The following ADORA1 variants were observed in gnomAD, a reference collection of about 807,000 sequenced individuals.
The protein encoded by ADORA1 is adenosine receptor A1.
ADORA1 carries 6 observed loss-of-function variants against 19.9 expected under a neutral mutation model. The ratio of observed to expected loss-of-function variants is 0.30; its 90% CI spans 0.17 to 0.59. The LOEUF (loss-of-function observed/expected upper bound fraction) is 0.59. Among genes scored for constraint, ADORA1 ranks in the 20% least tolerant of loss-of-function variants. The pLI is 0.87. For missense variants in ADORA1, 302 were observed against 439.2 expected, an observed-to-expected ratio of 0.69 and a Z score of 2.79; for synonymous variants, 194 against 188.4, an observed-to-expected ratio of 1.03 and a Z score of -0.24.
chr1:203,130,512 G>A (rs1654297500), intron 3 of ADORA1, among the ~76,000 whole-genome samples: 1 of 152,198 alleles, frequency 6.6e-6, no homozygotes, highest in Non-Finnish European at 1.5e-5. Flanking sequence ...GGAAGGTGGG[G>A]TGAATAAGGG....
chr1:203,146,852 G>A (rs1654873661), intron 3 of ADORA1, among the ~76,000 whole-genome samples: 2 of 152,224 alleles, frequency 1.3e-5, no homozygotes, highest in African/African-American at 2.4e-5. Context: ...ACCTCAGGAG[G>A]TGTTGCTAGC....
In ADORA1 at chr1:203,128,480, T is replaced by G. The variant is rs1012820949; in HGVS notation, c.-58+48T>G. 8.0e-7 allele frequency: 1 copy of G among 1,246,042 alleles called. No individual in the cohort carries two copies. Among genetic ancestry groups the G allele is most frequent in the Admixed American group, 2.4e-5 (1 of 42,114 alleles). The allele number at this position is 1,246,042 out of a possible 1,614,324, so 77.2% of individuals were successfully genotyped here. A position where few individuals can be genotyped will look rare whatever the true frequency, so the allele number is the denominator to read the frequency against. ...TGTGCACAGGGGTGGGCAGAGCCAG[T>G]CATGGGAGACCCCTCTGTGCGTGTG... is the stretch of plus-strand genomic sequence containing the variant. On this transcript the variant is annotated intron_variant, in intron 2 of 3. Transcript: ENST00000337894. The surrounding 1 kb of genome is among the most constrained non-coding windows in gnomAD (Gnocchi z 5.9).
In ADORA1 at chr1:203,166,041, C is replaced by T; in HGVS notation, c.*141C>T. On this transcript the variant is annotated 3_prime_UTR_variant, in exon 4 of 4. Transcript: ENST00000337894. ...CATGGGGGAGGCTCTGAAGAGATACCCACAGAGTGTGGTCCCTCCACTAGG... is the reference window on the plus strand; with the variant it reads ...CATGGGGGAGGCTCTGAAGAGATACTCACAGAGTGTGGTCCCTCCACTAGG... 1 of 1,139,670 alleles carries T rather than the reference C, an allele frequency of 8.8e-7. No individual in the cohort carries two copies. The highest frequency in any genetic ancestry group is 1.2e-6 in the Non-Finnish European group (1 of 844,038). 70.6% of individuals were successfully genotyped at this position (1,139,670 alleles called of 1,614,324 possible). A position where few individuals can be genotyped will look rare whatever the true frequency, so the allele number is the denominator to read the frequency against.
chr1:203,161,803 G>A (rs1209582230), intron 3 of ADORA1, among the ~76,000 whole-genome samples: 2 of 151,962 alleles, frequency 1.3e-5, no homozygotes, highest in Non-Finnish European at 2.9e-5. Flanking sequence ...TTGAACTCCC[G>A]ACCTCAGGTG....
chr1:203,145,771 T>C (rs1309413791), intron 3 of ADORA1, among the ~76,000 whole-genome samples: 1 of 152,248 alleles, frequency 6.6e-6, no homozygotes, highest in Non-Finnish European at 1.5e-5. Context: ...ATTCCTCTTT[T>C]CCTGCTGTTT....
chr1:203,137,255 C>A (rs1654540671), intron 3 of ADORA1, among the ~76,000 whole-genome samples: 1 of 152,122 alleles, frequency 6.6e-6, no homozygotes, highest in Non-Finnish European at 1.5e-5. Context: ...AGAACAGAGG[C>A]CCTAGCATAG....
chr1:203,154,977 T>C (rs982102870), intron 3 of ADORA1, among the ~76,000 whole-genome samples: 2 of 151,842 alleles, frequency 1.3e-5, no homozygotes, highest in Non-Finnish European at 2.9e-5. Context: ...GTTGGTCCCA[T>C]GGTGTGTTCA....
At position 203,153,911 on chromosome 1, in the gene ADORA1, A is replaced by G. The variant is rs551721554; in HGVS notation, c.342-11350A>G. The stretch of plus-strand genomic sequence containing the variant: ...TTACAAGTGGCTGAGATCCTTGATA[A>G]GAGAGGAGGCGGGAAGGAGGGGACC... On this transcript the variant is annotated intron_variant, in intron 3 of 3. Transcript: ENST00000337894. Among the ~76,000 whole-genome samples the G allele has an allele frequency of 5.9e-5, 9 of 152,322 alleles. No individual in the cohort carries two copies. The South Asian group carries it at 1.9e-3, about 32-fold the overall frequency.
rs151012184 is a variant in ADORA1, at chr1:203,164,461, A to G, written c.342-800A>G. The stretch of plus-strand genomic sequence containing the variant: ...AATGCATGAATGAATGACTGAAAGT[A>G]TCTAGCATGTAGTAGATGCTCAGTG... On this transcript the variant is annotated intron_variant, in intron 3 of 3. Coordinates refer to ENST00000337894, the MANE Select transcript of ADORA1 (RefSeq NM_000674.3). 3.9e-3 allele frequency among the ~76,000 whole-genome samples: 601 copies of G among 152,370 alleles called. 3 individuals are homozygous for G. Among genetic ancestry groups the G allele is most frequent in the African/African-American group, 0.014 (562 of 41,584 alleles).
chr1:203,131,859 G>A (rs1350677520), intron 3 of ADORA1, among the ~76,000 whole-genome samples: 1 of 152,164 alleles, frequency 6.6e-6, no homozygotes, highest in African/African-American at 2.4e-5. Context: ...TTGGCCAGAG[G>A]TCCCCAGGCA....
intron 3 of ADORA1, among the ~76,000 whole-genome samples, chr1:203,161,633 G>A (rs1435709455): frequency 2.0e-5 from 3 of 150,104 alleles, no homozygotes; most frequent in East Asian, 2.0e-4. Flanking sequence ...GTGCAATGGC[G>A]CGATCTTGGC....
At chr1:203,160,633 T>G (rs1224356009) in intron 3 of ADORA1, among the ~76,000 whole-genome samples, 2 of 152,126 alleles carry the variant, frequency 1.3e-5, no homozygotes. Flanking sequence ...GTCAACATAG[T>G]GAGACCCCCA....
At chr1:203,151,369 A>G (rs1280751252) in intron 3 of ADORA1, among the ~76,000 whole-genome samples, 1 of 152,218 alleles carries the variant, frequency 6.6e-6, no homozygotes, top group Admixed American at 6.5e-5. Context: ...AGATCAGGGA[A>G]CACAGACCCG....
At chr1:203,158,635 A>T (rs915693666) in intron 3 of ADORA1, among the ~76,000 whole-genome samples, 1 of 152,194 alleles carries the variant, frequency 6.6e-6, no homozygotes, top group African/African-American at 2.4e-5. Flanking sequence ...GGTATTTGTT[A>T]GAGCAACAAC....
rs199757683 is a variant in ADORA1 at position 203,165,380 on chromosome 1, G to A, written c.461G>A (p.Arg154Gln). 32 of 1,603,122 alleles carry A rather than the reference G, an allele frequency of 2.0e-5. No homozygotes were observed. Among genetic ancestry groups the A allele is most frequent in the East Asian group, 1.3e-4 (6 of 44,860 alleles). ...FGWNNLSAVE[R>Q]AWAANGSMGE... is the part of the protein sequence containing the mutation. Reference sequence around the variant, plus strand: ...TGGAACAATCTGAGTGCGGTGGAGCGGGCCTGGGCAGCCAACGGCAGCATG... The same window carrying A: ...TGGAACAATCTGAGTGCGGTGGAGCAGGCCTGGGCAGCCAACGGCAGCATG... Residue 154 changes from arginine (R) to glutamine (Q), a missense_variant, in exon 4 of 4, where the codon CGG (arginine) becomes CAG (glutamine). By Grantham distance (43) the Arg-to-Gln change is conservative. Coordinates refer to ENST00000337894, the MANE Select transcript of ADORA1 (RefSeq NM_000674.3). The surrounding 1 kb of genome is among the most constrained non-coding windows in gnomAD (Gnocchi z 5.9).
chr1:203,158,370 C>G (rs1045611678), intron 3 of ADORA1, among the ~76,000 whole-genome samples: 1 of 152,198 alleles, frequency 6.6e-6, no homozygotes, highest in Non-Finnish European at 1.5e-5. Context: ...TTTTCAATAT[C>G]TTGTTTCTTG....
intron 3 of ADORA1, among the ~76,000 whole-genome samples, chr1:203,141,731 C>T (rs1184114946): frequency 1.3e-5 from 2 of 151,922 alleles, no homozygotes; most frequent in African/African-American, 4.8e-5. Context: ...TAGGCTCATG[C>T]CACCACGCCC....
chr1:203,129,079 T>A lies in ADORA1; in HGVS notation c.238T>A (p.Cys80Ser). 1 of 1,614,144 alleles carries A rather than the reference T, an allele frequency of 6.2e-7. No individual in the cohort carries two copies. ...TGGGCCACAGACCTACTTCCACACC[T>A]GCCTCATGGTTGCCTGTCCGGTCCT... is the stretch of plus-strand genomic sequence containing the variant. Reference protein sequence around the residue: ...NIGPQTYFHTCLMVACPVLIL... With the variant: ...NIGPQTYFHTSLMVACPVLIL... The change falls in exon 3 of 4, where the codon TGC becomes AGC. Residue 80 changes from cysteine (C) to serine (S), a missense_variant. Transcript: ENST00000337894.
At chr1:203,164,682 T>C (rs1655476309) in intron 3 of ADORA1, among the ~76,000 whole-genome samples, 1 of 152,132 alleles carries the variant, frequency 6.6e-6, no homozygotes, top group Non-Finnish European at 1.5e-5. Flanking sequence ...GTGTGAAAGA[T>C]TTTTTAAAAT....
Sources: gnomAD v4.1 joint callset for allele counts (sites outside exome capture counted in the v4.1 genomes callset) on GRCh38, gnomAD v4.1.1 for gene constraint, Gnocchi (gnomAD v3.1) non-coding constraint, MANE v1.5 for transcripts, NCBI Gene and HGNC (gene_info 2026-07-23, HGNC 2026-07-21) for gene names.